RFTN2: variants seen among roughly 807,000 people sequenced by gnomAD.
RFTN2 encodes raftlin family member 2, also known as raftlin-2.
In RFTN2, 34 loss-of-function variants were observed where a neutral mutation model predicts 52.7. The ratio of observed to expected loss-of-function variants is 0.64; its 90% CI spans 0.49 to 0.86. The LOEUF (loss-of-function observed/expected upper bound fraction) is 0.86, where lower values mean the gene tolerates loss of function less well. Ranked by LOEUF, RFTN2 falls within the 40% of genes least tolerant of loss-of-function variation. The pLI is 0.00. For synonymous variants in RFTN2, 203 were observed against 217.7 expected (o/e 0.93, Z 0.59); for missense variants, 536 against 600.1 (o/e 0.89, Z 1.12).
rs10180493 is a variant in RFTN2 at position 197,611,129 on chromosome 2, A to G, written c.1154+4747T>C. Among the ~76,000 whole-genome samples the G allele has an allele frequency of 6.0e-3, 912 of 152,280 alleles. 10 individuals are homozygous for G. The highest frequency in any genetic ancestry group is 0.021 in the African/African-American group (873 of 41,548). On this transcript the variant is annotated intron_variant, in intron 7 of 8. Transcript: ENST00000295049. The stretch of plus-strand genomic sequence containing the variant: ...GTATCAGGATGATGCTGGCCTCAAA[A>G]ATGAGTTAGGGGGGAGTCCCTCTTT...
At position 197,571,330 on chromosome 2, in the gene RFTN2, T is replaced by G. The variant is rs1158839640; in HGVS notation, c.*678A>C. The G allele has an allele frequency of 6.6e-6, 1 of 152,462 alleles. No homozygotes were observed. The highest frequency in any genetic ancestry group is 1.5e-5 in the Non-Finnish European group (1 of 68,036). 9.4% of individuals were successfully genotyped at this position (152,462 alleles called of 1,614,324 possible). A position where few individuals can be genotyped will look rare whatever the true frequency, so the allele number is the denominator to read the frequency against. On this transcript the variant is annotated 3_prime_UTR_variant, in exon 9 of 9. Coordinates refer to ENST00000295049, the MANE Select transcript of RFTN2 (RefSeq NM_144629.3). The stretch of plus-strand genomic sequence containing the variant: ...TTTCATATTGAATTTTAAGAGATGC[T>G]GCTTTGCTGTCTGCATTTTTAGGCT...
chr2:197,607,699 A>T (rs1208490855), intron 7 of RFTN2, among the ~76,000 whole-genome samples: 2 of 152,180 alleles, frequency 1.3e-5, no homozygotes, highest in Admixed American at 1.3e-4. Flanking sequence ...AAGGAAAATT[A>T]TAAAATTAAA....
At chr2:197,615,116 C>G (rs1014839164) in intron 7 of RFTN2, among the ~76,000 whole-genome samples, 1 of 152,168 alleles carries the variant, frequency 6.6e-6, no homozygotes, top group Admixed American at 6.5e-5. Context: ...AGTTGCTAAA[C>G]CGGGAAGGCC....
chr2:197,620,605 T>C (rs1163438531), intron 5 of RFTN2, among the ~76,000 whole-genome samples: 1 of 152,220 alleles, frequency 6.6e-6, no homozygotes, highest in Non-Finnish European at 1.5e-5. Flanking sequence ...ATTATTATTA[T>C]TTTTTTGACA....
Position 197,572,058 on chromosome 2 carries a change from C to T in RFTN2, c.1456G>A (p.Asp486Asn), listed in dbSNP as rs146725396. 37 of 1,614,106 alleles carry T rather than the reference C, an allele frequency of 2.3e-5. No homozygotes were observed. Among genetic ancestry groups the T allele is most frequent in the Middle Eastern group, 1.6e-4 (1 of 6,084 alleles). The change falls in exon 9 of 9, where the codon GAC (aspartate) becomes AAC (asparagine). Residue 486 changes from aspartate to asparagine, a missense_variant. Transcript: ENST00000295049. ...SSDNVLRELD[D>N]GQFDQEDGVT... ...CCATCTTCCTGATCAAACTGTCCGT[C>T]GTCTAATTCCCGGAGGACGTTGTCA...
intron 1 of RFTN2, among the ~76,000 whole-genome samples, chr2:197,651,896 C>A (rs547597855): frequency 6.6e-6 from 1 of 151,986 alleles, no homozygotes; most frequent in Non-Finnish European, 1.5e-5. Context: ...ACCTAAAAAG[C>A]AATGATGGTG....
rs538090251 is a variant in RFTN2 at position 197,569,153 on chromosome 2, C to T, written c.*2855G>A. On this transcript the variant is annotated 3_prime_UTR_variant, in exon 9 of 9. Coordinates refer to ENST00000295049, the MANE Select transcript of RFTN2 (RefSeq NM_144629.3). ...TGGAATTAACACTTGGTATTGAAAA[C>T]GAAGATGAAAATGCCATAGATACTA... 3.9e-5 allele frequency: 6 copies of T among 152,206 alleles called. No homozygotes were observed. Among genetic ancestry groups the T allele is most frequent in the African/African-American group, 9.6e-5 (4 of 41,528 alleles). 9.4% of individuals were successfully genotyped at this position (152,206 alleles called of 1,614,324 possible).
Position 197,596,648 on chromosome 2 carries a change from A to G in RFTN2, c.1155-579T>C, listed in dbSNP as rs547328922. Among the ~76,000 whole-genome samples the G allele has an allele frequency of 2.3e-3, 352 of 152,298 alleles. 1 individual carries two copies. Among genetic ancestry groups the G allele is most frequent in the African/African-American group, 8.1e-3 (335 of 41,568 alleles). ...AATATGTATCATATTCCTCTTATGA[A>G]TTATTTTCTTGAAATGAATACTTAG... On this transcript the variant is annotated intron_variant, in intron 7 of 8. Transcript: ENST00000295049.
chr2:197,674,660 C>T (rs950635543), intron 1 of RFTN2, among the ~76,000 whole-genome samples: 1 of 152,090 alleles, frequency 6.6e-6, no homozygotes, highest in Non-Finnish European at 1.5e-5. Context: ...TTTGTGAAAT[C>T]GAGCCACCTC....
chr2:197,612,990 G>A (rs1022094512), intron 7 of RFTN2, among the ~76,000 whole-genome samples: 7 of 152,154 alleles, frequency 4.6e-5, no homozygotes. Context: ...CATGTGGGCC[G>A]CAAAAAGAAG....
intron 1 of RFTN2, among the ~76,000 whole-genome samples, chr2:197,662,663 G>T (rs1183854865): frequency 6.6e-6 from 1 of 151,950 alleles, no homozygotes; most frequent in African/African-American, 2.4e-5. Context: ...TTTTGATAGG[G>T]ATTGAATGGA....
At chr2:197,618,210 C>T (rs1207026622) in intron 5 of RFTN2, among the ~76,000 whole-genome samples, 2 of 152,100 alleles carry the variant, frequency 1.3e-5, no homozygotes, top group African/African-American at 4.8e-5. Context: ...CTCAGCTTGC[C>T]GAGTGCCTGC....
At chr2:197,650,583 A>T (rs1444044183) in intron 1 of RFTN2, among the ~76,000 whole-genome samples, 1 of 152,194 alleles carries the variant, frequency 6.6e-6, no homozygotes, top group Non-Finnish European at 1.5e-5. Context: ...CACTTAGTGT[A>T]ATGTCCTCAA....
intron 7 of RFTN2, among the ~76,000 whole-genome samples, chr2:197,598,781 G>A (rs146652977): frequency 6.6e-6 from 1 of 152,178 alleles, no homozygotes; most frequent in African/African-American, 2.4e-5. Flanking sequence ...ACTTGGAAGT[G>A]TGGACTTCTC....
intron 8 of RFTN2, among the ~76,000 whole-genome samples, chr2:197,580,766 G>A (rs761484862): frequency 1.3e-5 from 2 of 152,004 alleles, no homozygotes; most frequent in Non-Finnish European, 2.9e-5. Context: ...GGGTATTGAC[G>A]GCCAGACTTC....
At chr2:197,649,247 G>A (rs1335845774) in intron 1 of RFTN2, among the ~76,000 whole-genome samples, 2 of 152,090 alleles carry the variant, frequency 1.3e-5, no homozygotes, top group Admixed American at 1.3e-4. Context: ...AAGTGGGGAT[G>A]GTTAAGAACA....
At chr2:197,667,357 G>A (rs759715107) in intron 1 of RFTN2, among the ~76,000 whole-genome samples, 8 of 152,082 alleles carry the variant, frequency 5.3e-5, no homozygotes, top group Non-Finnish European at 1.0e-4. Flanking sequence ...TGATTTATTT[G>A]TATTATTTTT....
chr2:197,641,267 C>T (rs900426233), intron 3 of RFTN2, among the ~76,000 whole-genome samples: 10 of 152,198 alleles, frequency 6.6e-5, no homozygotes, highest in African/African-American at 2.4e-4. Context: ...ATTCTGAGAG[C>T]GGGGAGAGAG....
At chr2:197,624,735 T>C (rs1482224631) in intron 5 of RFTN2, among the ~76,000 whole-genome samples, 1 of 150,794 alleles carries the variant, frequency 6.6e-6, no homozygotes, top group Non-Finnish European at 1.5e-5. Context: ...CTGAGGCAGG[T>C]GGATCACTTG....
Sources: gnomAD v4.1 joint callset for allele counts (sites outside exome capture counted in the v4.1 genomes callset) on GRCh38, gnomAD v4.1.1 for gene constraint, MANE v1.5 for transcripts, NCBI Gene and HGNC (gene_info 2026-07-23, HGNC 2026-07-21) for gene names.